CNTN4: variants seen among roughly 807,000 people sequenced by gnomAD.
CNTN4 encodes contactin-4.
Under a neutral mutation model 122.5 loss-of-function variants are expected in CNTN4, and 77 were observed. The observed-to-expected ratio is 0.63, with a 90% CI of 0.52 to 0.76. The LOEUF (loss-of-function observed/expected upper bound fraction) is 0.76, where lower values mean the gene tolerates loss of function less well. Among genes scored for constraint, CNTN4 ranks in the 30% least tolerant of loss-of-function variants. The probability of loss-of-function intolerance (pLI) is 0.00; values close to 1 mark genes in which losing one functional copy is unlikely to be tolerated. For synonymous variants in CNTN4, 512 were observed against 447.0 expected (o/e 1.15, Z -1.83); for missense variants, 1,256 against 1,259.1 (o/e 1.00, Z 0.04).
At chr3:2,224,268 C>A (rs969534831) in intron 2 of CNTN4, among the ~76,000 whole-genome samples, 1 of 152,166 alleles carries the variant, frequency 6.6e-6, no homozygotes, top group African/African-American at 2.4e-5. Context: ...TGAGCCTCAA[C>A]AATAGGCAGA....
At chr3:2,141,796 T>G (rs1310094217) in intron 2 of CNTN4, among the ~76,000 whole-genome samples, 1 of 152,102 alleles carries the variant, frequency 6.6e-6, no homozygotes, top group Non-Finnish European at 1.5e-5. Context: ...GGCAGATGAA[T>G]TCTCACTATG....
chr3:3,023,427 A>G (rs1698461689), intron 14 of CNTN4, among the ~76,000 whole-genome samples: 1 of 152,202 alleles, frequency 6.6e-6, no homozygotes, highest in Non-Finnish European at 1.5e-5. Context: ...GTTTACCAAT[A>G]ATAAAAATCT....
chr3:2,313,582 A>G (rs1039009943), intron 2 of CNTN4, among the ~76,000 whole-genome samples: 10 of 152,166 alleles, frequency 6.6e-5, no homozygotes, highest in Middle Eastern at 3.4e-3. Flanking sequence ...GACGCTCAGA[A>G]TAAATATCAG....
chr3:2,639,557 T>C (rs1161236051), intron 4 of CNTN4, among the ~76,000 whole-genome samples: 3 of 152,238 alleles, frequency 2.0e-5, no homozygotes, highest in East Asian at 1.9e-4. Flanking sequence ...TAACACACTA[T>C]GTATTTTGCT....
At chr3:3,034,175 T>C (rs1699405006) in intron 16 of CNTN4, among the ~76,000 whole-genome samples, 2 of 152,156 alleles carry the variant, frequency 1.3e-5, no homozygotes, top group Admixed American at 6.5e-5. Flanking sequence ...AAATCTATAT[T>C]CTCAGTGGTA....
intron 14 of CNTN4, among the ~76,000 whole-genome samples, chr3:3,000,245 G>C (rs1037897894): frequency 1.3e-5 from 2 of 151,982 alleles, no homozygotes; most frequent in Admixed American, 1.3e-4. Context: ...GAAATATAGA[G>C]ATCTACTGAT....
intron 4 of CNTN4, among the ~76,000 whole-genome samples, chr3:2,707,649 T>TA (rs2086823731): frequency 1.1e-5 from 1 of 92,454 alleles, no homozygotes; most frequent in Non-Finnish European, 2.7e-5. Flanking sequence ...TTGTTTTATT[T>TA]GTTTTTTGTT....
chr3:2,350,261 G>A (rs893070080), intron 3 of CNTN4, among the ~76,000 whole-genome samples: 2 of 152,164 alleles, frequency 1.3e-5, no homozygotes, highest in African/African-American at 4.8e-5. Context: ...TGTTGGTAAT[G>A]ACAGAACCTA....
intron 6 of CNTN4, among the ~76,000 whole-genome samples, chr3:2,811,925 C>T (rs1294343966): frequency 6.6e-6 from 1 of 152,128 alleles, no homozygotes; most frequent in Non-Finnish European, 1.5e-5. Flanking sequence ...CTTGGCCTCC[C>T]AAAGTGCGGC....
intron 3 of CNTN4, among the ~76,000 whole-genome samples, chr3:2,529,424 A>G (rs1449806037): frequency 6.6e-6 from 1 of 152,164 alleles, no homozygotes; most frequent in Non-Finnish European, 1.5e-5. Context: ...GGTAGTGCAG[A>G]CATCTCTTTA....
chr3:2,110,690 G>C (rs2032875561), intron 2 of CNTN4: 1 of 152,012 alleles, frequency 6.6e-6, no homozygotes, highest in Non-Finnish European at 1.5e-5. Flanking sequence ...AAACAGATTC[G>C]GAGTGAGACT....
intron 3 of CNTN4, among the ~76,000 whole-genome samples, chr3:2,434,457 A>T (rs2048190200): frequency 6.6e-6 from 1 of 152,230 alleles, no homozygotes; most frequent in Non-Finnish European, 1.5e-5. Context: ...AGGAGAATGT[A>T]AATGGAGAAG....
chr3:2,661,617 A>T (rs140214326), intron 4 of CNTN4, among the ~76,000 whole-genome samples: 1 of 152,088 alleles, frequency 6.6e-6, no homozygotes, highest in African/African-American at 2.4e-5. Context: ...ATTCAAGACC[A>T]GCCTGACCAA....
chr3:2,121,572 A>G (rs2033786677), intron 2 of CNTN4, among the ~76,000 whole-genome samples: 1 of 151,978 alleles, frequency 6.6e-6, no homozygotes, highest in Non-Finnish European at 1.5e-5. Flanking sequence ...TAAGTTGGTT[A>G]CTATAGAACT....
intron 5 of CNTN4, among the ~76,000 whole-genome samples, chr3:2,737,706 T>C (rs1383955029): frequency 6.6e-6 from 1 of 152,214 alleles, no homozygotes; most frequent in Non-Finnish European, 1.5e-5. Flanking sequence ...AGCTTTGGTT[T>C]TCATGGCTTC....
At chr3:2,575,124 A>T (rs1428960251) in intron 4 of CNTN4, among the ~76,000 whole-genome samples, 4 of 152,104 alleles carry the variant, frequency 2.6e-5, no homozygotes, top group African/African-American at 4.8e-5. Flanking sequence ...TATCCCAATT[A>T]TACAGATTTG....
chr3:3,043,691 TA>T lies in CNTN4; in HGVS notation c.2802del (p.Gly935AspfsTer35). ...AAGGCCCTGGATAATGAGTCGGAAGTAAAAGGATACAAAGTAGGTAATTTCT... is the reference window on the plus strand; with the variant it reads ...AAGGCCCTGGATAATGAGTCGGAAGTAAAGGATACAAAGTAGGTAATTTCT... ...QVKALDNESE[V>X]KGYKVLYRWN... is the part of the protein sequence containing the mutation. On this transcript the variant is annotated frameshift_variant, in exon 23 of 25. Coordinates refer to ENST00000418658, the MANE Select transcript of CNTN4 (RefSeq NM_175607.3). LOFTEE classifies it high-confidence loss of function. The T allele has an allele frequency of 1.2e-6, 2 of 1,611,440 alleles. No homozygotes were observed. Among genetic ancestry groups the T allele is most frequent in the Non-Finnish European group, 1.7e-6 (2 of 1,177,528 alleles).
intron 2 of CNTN4, among the ~76,000 whole-genome samples, chr3:2,322,871 T>G (rs2043318097): frequency 6.6e-6 from 1 of 152,098 alleles, no homozygotes; most frequent in African/African-American, 2.4e-5. Context: ...GTTGCTCTTT[T>G]CCTATTTAAC....
chr3:2,857,301 C>G (rs2093627641), intron 7 of CNTN4, among the ~76,000 whole-genome samples: 1 of 152,334 alleles, frequency 6.6e-6, no homozygotes, highest in South Asian at 2.1e-4. Context: ...TCCACATTAT[C>G]TGAAAGTATT....
Sources: allele counts gnomAD v4.1 joint callset (sites outside exome capture counted in the v4.1 genomes callset), GRCh38; gene constraint gnomAD v4.1.1; transcripts MANE v1.5; gene names NCBI Gene and HGNC (gene_info 2026-07-23, HGNC 2026-07-21).